AZI2: variants seen among roughly 807,000 people sequenced by gnomAD.
The protein encoded by AZI2 is 5-azacytidine induced 2, also known as 5-azacytidine-induced protein 2.
Under a neutral mutation model 45.8 loss-of-function variants are expected in AZI2, and 22 were observed. The ratio of observed to expected loss-of-function variants is 0.48; its 90% CI spans 0.34 to 0.69. The LOEUF (loss-of-function observed/expected upper bound fraction) is 0.69. AZI2 is among the 30% of genes least tolerant of loss of function. The probability of loss-of-function intolerance (pLI) is 0.01; values close to 1 mark genes in which losing one functional copy is unlikely to be tolerated. For missense variants in AZI2, 417 were observed against 441.5 expected (o/e 0.94, Z 0.50); for synonymous variants, 137 against 156.7 (o/e 0.87, Z 0.94).
intron 1 of AZI2, among the ~76,000 whole-genome samples, chr3:28,343,315 C>T (rs1704098237): frequency 6.6e-6 from 1 of 151,962 alleles, no homozygotes; most frequent in Non-Finnish European, 1.5e-5. Flanking sequence ...TACACCTTTA[C>T]AGTTTGTTAA....
chr3:28,324,581 T>C, intron 7 of AZI2, 127 bp from the exon 8 acceptor site: 5 of 812,828 alleles, frequency 6.2e-6, no homozygotes, highest in Non-Finnish European at 8.7e-6. Flanking sequence ...AGTGTGATCA[T>C]TGAGGCACTG....
intron 1 of AZI2, among the ~76,000 whole-genome samples, chr3:28,346,967 C>T (rs961657946): frequency 2.6e-5 from 4 of 152,146 alleles, no homozygotes; most frequent in African/African-American, 9.7e-5. Context: ...CAACAAACTG[C>T]GTTAGTCCAG....
Position 28,323,945 on chromosome 3 carries a change from T to C in AZI2, c.*97A>G. 1 of 1,403,680 alleles carries C rather than the reference T, an allele frequency of 7.1e-7. No homozygotes were observed. The highest frequency in any genetic ancestry group is 9.7e-7 in the Non-Finnish European group (1 of 1,033,714). 87.0% of individuals were successfully genotyped at this position (1,403,680 alleles called of 1,614,324 possible). On this transcript the variant is annotated 3_prime_UTR_variant, in exon 8 of 8. Coordinates refer to ENST00000479665, the MANE Select transcript of AZI2 (RefSeq NM_022461.5). Reference sequence around the variant, plus strand: ...AGATACTGAAGACCTCTGCAAAATTTTAATCAAAATCTCCTTTCAGTTTGT... The same window carrying C: ...AGATACTGAAGACCTCTGCAAAATTCTAATCAAAATCTCCTTTCAGTTTGT...
At chr3:28,343,286 G>A (rs1441973844) in intron 1 of AZI2, among the ~76,000 whole-genome samples, 1 of 152,032 alleles carries the variant, frequency 6.6e-6, no homozygotes, top group Non-Finnish European at 1.5e-5. Flanking sequence ...TATTTTCATT[G>A]TACTGTACTT....
intron 6 of AZI2, among the ~76,000 whole-genome samples, chr3:28,331,480 A>G (rs1390609972): frequency 6.6e-6 from 1 of 151,538 alleles, no homozygotes; most frequent in African/African-American, 2.4e-5. Flanking sequence ...GCCAGCTCAC[A>G]AAGCCGAATA....
At chr3:28,344,722 C>G (rs911896153) in intron 1 of AZI2, among the ~76,000 whole-genome samples, 35 of 152,006 alleles carry the variant, frequency 2.3e-4, no homozygotes, top group African/African-American at 8.4e-4. Flanking sequence ...AGAAACTTAA[C>G]ATTATACTGA....
chr3:28,346,132 A>G (rs1303652269), intron 1 of AZI2, among the ~76,000 whole-genome samples: 1 of 152,146 alleles, frequency 6.6e-6, no homozygotes, highest in Admixed American at 6.5e-5. Flanking sequence ...GAGGCAATAC[A>G]AAAGGGATTC....
chr3:28,327,960 CACTTAA>C (rs1577121665), intron 6 of AZI2, among the ~76,000 whole-genome samples: 1 of 150,370 alleles, frequency 6.7e-6, no homozygotes, highest in Non-Finnish European at 1.5e-5. Context: ...TTGCCATAAA[CACTTAA>C]ACTTCAAAAG....
At position 28,324,416 on chromosome 3, in the gene AZI2, C is replaced by T. The variant is rs34458963; in HGVS notation, c.805G>A (p.Asp269Asn). Reference sequence around the variant, plus strand: ...TTCATCAAGTGCAGTTTTGTGCTGTCTCTTCCAAGGTCTTCACTGCATCCT... The same window carrying T: ...TTCATCAAGTGCAGTTTTGTGCTGTTTCTTCCAAGGTCTTCACTGCATCCT... ...PVGCSEDLGR[D>N]STKLHLMNFT... is the part of the protein sequence containing the mutation. Residue 269 changes from aspartate to asparagine, a missense_variant, in exon 8 of 8, where the codon GAC becomes AAC. Transcript: ENST00000479665. The T allele has an allele frequency of 6.5e-7, 1 of 1,537,804 alleles. No individual in the cohort carries two copies. Among genetic ancestry groups the T allele is most frequent in the Non-Finnish European group, 8.8e-7 (1 of 1,141,250 alleles).
Position 28,323,284 on chromosome 3 carries a change from TCTA to T in AZI2, c.*755_*757del, listed in dbSNP as rs1228768168. 1 of 151,302 alleles carries T rather than the reference TCTA, an allele frequency of 6.6e-6. No homozygotes were observed. The highest frequency in any genetic ancestry group is 6.6e-5 in the Admixed American group (1 of 15,088). 9.4% of individuals were successfully genotyped at this position (151,302 alleles called of 1,614,324 possible). On this transcript the variant is annotated 3_prime_UTR_variant, in exon 8 of 8. Coordinates refer to ENST00000479665, the MANE Select transcript of AZI2 (RefSeq NM_022461.5). ...AGACTGAAATCTGTGTGATGCTCCT[TCTA>T]CTACTTATTGAATAGTGTGTAGGGT...
rs539039622 is a variant in AZI2, at chr3:28,327,449, T to C, written c.648-499A>G. 2.0e-5 allele frequency among the ~76,000 whole-genome samples: 3 copies of C among 151,156 alleles called. No homozygotes were observed. In the South Asian group the frequency reaches 6.2e-4, roughly 31 times the overall value. ...ACATTAAAATAAAATTTAGGTTTCA[T>C]GCATTACATTCTTTATGTTTGACTG... On this transcript the variant is annotated intron_variant, in intron 6 of 7. Coordinates refer to ENST00000479665, the MANE Select transcript of AZI2 (RefSeq NM_022461.5).
At position 28,338,601 on chromosome 3, in the gene AZI2, A is replaced by T. The variant is rs141805404; in HGVS notation, c.231T>A (p.Phe77Leu). ...GTCCCACGGAACTTGTTTCTTCTTC[A>T]AATCGAGCTATTAGCTAACGGTATG... ...RFLEEKLIAR[F>L]EEETSSVGRE... Residue 77 changes from phenylalanine (F) to leucine (L), a missense_variant, in exon 3 of 8, where the codon TTT becomes TTA. Coordinates refer to ENST00000479665, the MANE Select transcript of AZI2 (RefSeq NM_022461.5). The T allele has an allele frequency of 3.1e-6, 5 of 1,609,852 alleles. No individual in the cohort carries two copies. Among genetic ancestry groups the T allele is most frequent in the Admixed American group, 1.7e-5 (1 of 59,914 alleles).
At chr3:28,342,950 T>A (rs74934647) in intron 1 of AZI2, among the ~76,000 whole-genome samples, 1 of 152,210 alleles carries the variant, frequency 6.6e-6, no homozygotes, top group Non-Finnish European at 1.5e-5. Flanking sequence ...TAAACTGCTC[T>A]GCGAAGTCAA....
chr3:28,326,976 T>G (rs1217747421), intron 6 of AZI2, 26 bp from the exon 7 acceptor site: 2 of 1,457,492 alleles, frequency 1.4e-6, no homozygotes, highest in Admixed American at 3.5e-5. Context: ...TTACAAAAAG[T>G]TAATACTCAT....
chr3:28,338,420 T>G (rs1461729409), intron 3 of AZI2, 73 bp downstream of exon 3: 6 of 1,428,972 alleles, frequency 4.2e-6, no homozygotes, highest in East Asian at 4.7e-5. Context: ...TTAACTTACT[T>G]CTAATTTTAA....
At chr3:28,329,756 TTTTGACAACTGCGG>T (rs1464204539) in intron 6 of AZI2, among the ~76,000 whole-genome samples, 7 of 151,288 alleles carry the variant, frequency 4.6e-5, no homozygotes, top group Admixed American at 3.3e-4. Context: ...AAAGTGTGTA[TTTTGACAACTGCGG>T]TTCCCCCCAA....
intron 2 of AZI2, 76 bp downstream of exon 2, chr3:28,340,326 A>G: frequency 3.9e-6 from 4 of 1,023,950 alleles, no homozygotes; most frequent in Non-Finnish European, 5.7e-6. Context: ...GACAGGACAA[A>G]AAGTATTCAA....
chr3:28,329,586 A>C (rs17021372), intron 6 of AZI2, among the ~76,000 whole-genome samples: 2,210 of 151,322 alleles, frequency 0.015, 53 homozygotes, highest in African/African-American at 0.049. Flanking sequence ...TTAATACACA[A>C]ATAACTATTC....
intron 2 of AZI2, 38 bp downstream of exon 2, chr3:28,340,362 TTA>T (rs1703963015): frequency 1.5e-6 from 2 of 1,313,798 alleles, no homozygotes; most frequent in Non-Finnish European, 2.1e-6. Context: ...GAATTATTCC[TTA>T]TGTCACAAAC....
Sources: gnomAD v4.1 joint callset for allele counts (sites outside exome capture counted in the v4.1 genomes callset) on GRCh38, gnomAD v4.1.1 for gene constraint, MANE v1.5 for transcripts, NCBI Gene and HGNC (gene_info 2026-07-23, HGNC 2026-07-21) for gene names.